The following PARP8 variants were observed in gnomAD, a reference collection of about 807,000 sequenced individuals.
The protein encoded by PARP8 is protein mono-ADP-ribosyltransferase PARP8.
A neutral mutation model predicts 124.1 loss-of-function variants in PARP8; 51 were observed. That is an observed-to-expected ratio of 0.41 (90% CI 0.33 to 0.52). The LOEUF (loss-of-function observed/expected upper bound fraction) is 0.52, where lower values mean the gene tolerates loss of function less well. Among genes scored for constraint, PARP8 ranks in the 20% least tolerant of loss-of-function variants. The pLI, the probability that PARP8 is intolerant of heterozygous loss-of-function variation, is 0.21. For synonymous variants in PARP8, 391 were observed against 361.5 expected (o/e 1.08, Z -0.93); for missense variants, 860 against 1,018.9 (o/e 0.84, Z 2.12).
intron 14 of PARP8, among the ~76,000 whole-genome samples, chr5:50,813,402 T>C (rs1302611098): frequency 1.3e-5 from 2 of 152,134 alleles, no homozygotes; most frequent in African/African-American, 4.8e-5. Context: ...TTGTCTGTTA[T>C]TGGTGTATAA....
intron 2 of PARP8, among the ~76,000 whole-genome samples, chr5:50,686,222 T>C (rs907992591): frequency 1.3e-5 from 2 of 152,244 alleles, no homozygotes; most frequent in Non-Finnish European, 2.9e-5. Context: ...ATGGGAGACA[T>C]TGGCCAAAAC....
At chr5:50,780,434 T>A (rs1740541728) in intron 9 of PARP8, among the ~76,000 whole-genome samples, 1 of 152,222 alleles carries the variant, frequency 6.6e-6, no homozygotes, top group African/African-American at 2.4e-5. Flanking sequence ...CCCATCTGTA[T>A]AAGATGATAC....
chr5:50,766,492 GAA>G (rs554677648), intron 7 of PARP8, among the ~76,000 whole-genome samples: 126 of 152,272 alleles, frequency 8.3e-4, no homozygotes, highest in Non-Finnish European at 1.7e-3. Flanking sequence ...GTTTAGGAAA[GAA>G]ATGATTCTGA....
At chr5:50,839,282 A>C (rs1580524295) in intron 25 of PARP8, among the ~76,000 whole-genome samples, 1 of 151,908 alleles carries the variant, frequency 6.6e-6, no homozygotes, top group South Asian at 2.1e-4. Flanking sequence ...TTCATTTTTC[A>C]TTCTACCAAA....
chr5:50,725,245 T>A, intron 2 of PARP8, among the ~76,000 whole-genome samples: 1 of 152,018 alleles, frequency 6.6e-6, no homozygotes, highest in East Asian at 1.9e-4. Flanking sequence ...CTTTAATATA[T>A]TTTATTTAAC....
intron 14 of PARP8, among the ~76,000 whole-genome samples, chr5:50,799,642 T>G (rs1742970563): frequency 6.6e-6 from 1 of 152,226 alleles, no homozygotes; most frequent in Admixed American, 6.5e-5. Context: ...TGTAAATCGG[T>G]TTGAAGACTG....
At chr5:50,694,984 A>C (rs1434663227) in intron 2 of PARP8, among the ~76,000 whole-genome samples, 1 of 152,186 alleles carries the variant, frequency 6.6e-6, no homozygotes, top group Non-Finnish European at 1.5e-5. Context: ...TGGAAGATTC[A>C]GCAAGTCGGC....
chr5:50,690,207 C>T (rs1459052018), intron 2 of PARP8, among the ~76,000 whole-genome samples: 1 of 152,134 alleles, frequency 6.6e-6, no homozygotes, highest in African/African-American at 2.4e-5. Context: ...CTTTTCCTTA[C>T]AACTAGAAGC....
At chr5:50,741,590 C>T (rs1419642047) in intron 2 of PARP8, among the ~76,000 whole-genome samples, 1 of 152,050 alleles carries the variant, frequency 6.6e-6, no homozygotes, top group Admixed American at 6.6e-5. Flanking sequence ...TGGCCACTTC[C>T]CTAAAAATCA....
At chr5:50,770,543 GAGAGAGAGAGCA>G (rs1402630091) in intron 7 of PARP8, among the ~76,000 whole-genome samples, 2 of 150,868 alleles carry the variant, frequency 1.3e-5, no homozygotes, top group Non-Finnish European at 2.9e-5. Context: ...GAGAGAAAGA[GAGAGAGAGAGCA>G]AGAGAGAAGA....
At position 50,781,530 on chromosome 5, in the gene PARP8, A is replaced by G. The variant is rs1185929796; in HGVS notation, c.670+2880A>G. ...GAGTCGGCAGCTCTGAGATCTGCCC[A>G]CTGGAGGGGAGGGCTGTGAGCTCTG... On this transcript the variant is annotated intron_variant, in intron 9 of 25. Coordinates refer to ENST00000281631, the MANE Select transcript of PARP8 (RefSeq NM_024615.4). Among the ~76,000 whole-genome samples, 3 of 152,280 alleles carry G rather than the reference A, an allele frequency of 2.0e-5. No homozygotes were observed. The South Asian group carries it at 6.2e-4, about 32-fold the overall frequency.
At position 50,842,101 on chromosome 5, in the gene PARP8, C is replaced by A; in HGVS notation, c.*33C>A. The A allele has an allele frequency of 6.8e-7, 1 of 1,459,938 alleles. No homozygotes were observed. Among genetic ancestry groups the A allele is most frequent in the Admixed American group, 1.8e-5 (1 of 55,756 alleles). The allele number at this position is 1,459,938 out of a possible 1,614,324, so 90.4% of individuals were successfully genotyped here. A position where few individuals can be genotyped will look rare whatever the true frequency, so the allele number is the denominator to read the frequency against. On this transcript the variant is annotated 3_prime_UTR_variant, in exon 26 of 26. Coordinates refer to ENST00000281631, the MANE Select transcript of PARP8 (RefSeq NM_024615.4). ...CCATTTAATTAACATGATTCGAAAG[C>A]CTTCCTCGGGTTCAAAGCTGGATTT...
chr5:50,763,105 C>A, intron 6 of PARP8, 43 bp from the exon 7 acceptor site: 2 of 1,481,368 alleles, frequency 1.4e-6, no homozygotes, highest in Non-Finnish European at 1.9e-6. Flanking sequence ...GTTTTTGATT[C>A]TGTTCACTTC....
chr5:50,738,227 T>A (rs1368131133), intron 2 of PARP8, among the ~76,000 whole-genome samples: 2 of 152,218 alleles, frequency 1.3e-5, no homozygotes, highest in African/African-American at 4.8e-5. Context: ...TGAAATAGCA[T>A]GTAACCACTA....
At chr5:50,715,608 G>A (rs1293678812) in intron 2 of PARP8, among the ~76,000 whole-genome samples, 1 of 151,786 alleles carries the variant, frequency 6.6e-6, no homozygotes, top group African/African-American at 2.4e-5. Context: ...TAAAATTTGT[G>A]TTTTTAAACA....
Position 50,845,380 on chromosome 5 carries a change from T to C in PARP8, c.*3312T>C, listed in dbSNP as rs1748537505. ...GAAGGGGACACTCAACATTGGGTCA[T>C]CTACCGTCTAAATAAATACGGATTT... On this transcript the variant is annotated 3_prime_UTR_variant, in exon 26 of 26. Coordinates refer to ENST00000281631, the MANE Select transcript of PARP8 (RefSeq NM_024615.4). The C allele has an allele frequency of 6.6e-6, 1 of 151,748 alleles. No individual in the cohort carries two copies. Among genetic ancestry groups the C allele is most frequent in the Admixed American group, 6.6e-5 (1 of 15,194 alleles). The allele number at this position is 151,748 out of a possible 1,614,324, so 9.4% of individuals were successfully genotyped here. A position where few individuals can be genotyped will look rare whatever the true frequency, so the allele number is the denominator to read the frequency against.
rs1749332895 is a variant in PARP8, at chr5:50,666,859, G to A, written c.-237G>A. Reference sequence around the variant, plus strand: ...GGAAATTGGAATCCAGCAGCGGCGAGCAGCAGCTGGGCGGTCACATCTGGG... The same window carrying A: ...GGAAATTGGAATCCAGCAGCGGCGAACAGCAGCTGGGCGGTCACATCTGGG... On this transcript the variant is annotated 5_prime_UTR_variant, in exon 1 of 26. Transcript: ENST00000281631. The A allele has an allele frequency of 6.6e-6, 9 of 1,363,602 alleles. No individual in the cohort carries two copies. The highest frequency in any genetic ancestry group is 8.5e-6 in the Non-Finnish European group (9 of 1,057,714). 84.5% of individuals were successfully genotyped at this position (1,363,602 alleles called of 1,614,324 possible). A position where few individuals can be genotyped will look rare whatever the true frequency, so the allele number is the denominator to read the frequency against.
chr5:50,666,971 C>G lies in PARP8; in HGVS notation c.-125C>G. On this transcript the variant is annotated 5_prime_UTR_variant, in exon 1 of 26. Transcript: ENST00000281631. The stretch of plus-strand genomic sequence containing the variant: ...CCCAGGATCACTTCCGAAACCACTT[C>G]GCCTTCAGCCCCTGCCTCGGCCAGA... 1 of 1,505,958 alleles carries G rather than the reference C, an allele frequency of 6.6e-7. No individual in the cohort carries two copies. 93.3% of individuals were successfully genotyped at this position (1,505,958 alleles called of 1,614,324 possible).
Position 50,754,140 on chromosome 5 carries a change from T to C in PARP8, c.184+3952T>C, listed in dbSNP as rs199993084. Among the ~76,000 whole-genome samples, 10 of 16,364 alleles carry C rather than the reference T, an allele frequency of 6.1e-4. 2 individuals carry two copies. Among genetic ancestry groups the C allele is most frequent in the African/African-American group, 2.1e-3 (9 of 4,378 alleles). The allele number at this position is 16,364 out of a possible 152,430, so 10.7% of individuals were successfully genotyped here. A position where few individuals can be genotyped will look rare whatever the true frequency, so the allele number is the denominator to read the frequency against. ...TCATATATATATATATATATATATA[T>C]ATATATATATACACACACACACACA... On this transcript the variant is annotated intron_variant, in intron 3 of 25. Transcript: ENST00000281631.
Sources: gnomAD v4.1 joint callset for allele counts (sites outside exome capture counted in the v4.1 genomes callset) on GRCh38, gnomAD v4.1.1 for gene constraint, MANE v1.5 for transcripts, NCBI Gene and HGNC (gene_info 2026-07-23, HGNC 2026-07-21) for gene names.